CACNG2: variants seen among roughly 807,000 people sequenced by gnomAD.
CACNG2 encodes calcium voltage-gated channel auxiliary subunit gamma 2.
In CACNG2, 3 loss-of-function variants were observed where a neutral mutation model predicts 25.9. The ratio of observed to expected loss-of-function variants is 0.12; its 90% CI spans 0.05 to 0.30. CACNG2 has a LOEUF of 0.30. CACNG2 is among the 10% of genes least tolerant of loss of function. CACNG2 has a pLI of 1.00. For missense variants in CACNG2, 341 were observed against 432.5 expected, an observed-to-expected ratio of 0.79 and a Z score of 1.88; for synonymous variants, 167 against 173.3, an observed-to-expected ratio of 0.96 and a Z score of 0.29.
chr22:36,569,596 G>A (rs1300909751), intron 2 of CACNG2, among the ~76,000 whole-genome samples: 1 of 152,200 alleles, frequency 6.6e-6, no homozygotes, highest in Non-Finnish European at 1.5e-5. Flanking sequence ...CTGGAGTGCA[G>A]TGGCGTGATC....
At chr22:36,618,770 A>T (rs1420368499) in intron 1 of CACNG2, among the ~76,000 whole-genome samples, 1 of 152,138 alleles carries the variant, frequency 6.6e-6, no homozygotes, top group Non-Finnish European at 1.5e-5. Flanking sequence ...AATACAAAAA[A>T]TTAGCTGGGT....
At chr22:36,565,337 GGCCTGCGTTCAAA>G (rs1178491680) in intron 3 of CACNG2, among the ~76,000 whole-genome samples, 1 of 152,244 alleles carries the variant, frequency 6.6e-6, no homozygotes, top group African/African-American at 2.4e-5. Flanking sequence ...GAGCCAGGCT[GGCCTGCGTTCAAA>G]GCCTTCGCAA....
intron 1 of CACNG2, among the ~76,000 whole-genome samples, chr22:36,612,651 G>A (rs946513796): frequency 6.6e-6 from 1 of 152,150 alleles, no homozygotes; most frequent in Non-Finnish European, 1.5e-5. Flanking sequence ...TTATTTGGCT[G>A]GTCATACGCT....
intron 1 of CACNG2, among the ~76,000 whole-genome samples, chr22:36,613,176 G>T (rs1489668640): frequency 6.6e-6 from 1 of 152,044 alleles, no homozygotes; most frequent in Non-Finnish European, 1.5e-5. Context: ...GTGTGTGTGT[G>T]TGTGTGTGTG....
intron 1 of CACNG2, among the ~76,000 whole-genome samples, chr22:36,614,190 C>T (rs551212648): frequency 4.0e-4 from 61 of 152,304 alleles, no homozygotes; most frequent in African/African-American, 1.4e-3. Context: ...TCAGAAACTA[C>T]ATCCTGTTGT....
intron 1 of CACNG2, among the ~76,000 whole-genome samples, chr22:36,627,451 A>G (rs1032115392): frequency 6.6e-5 from 10 of 152,142 alleles, no homozygotes; most frequent in African/African-American, 2.4e-4. Context: ...TAACACATAT[A>G]GTCTGTACAG....
intron 1 of CACNG2, among the ~76,000 whole-genome samples, chr22:36,625,403 C>G (rs1179004819): frequency 6.6e-6 from 1 of 152,124 alleles, no homozygotes; most frequent in Non-Finnish European, 1.5e-5. Context: ...CCTCCCACCC[C>G]CATTCTCTTG....
At chr22:36,679,559 G>C (rs1441405590) in intron 1 of CACNG2, among the ~76,000 whole-genome samples, 1 of 152,230 alleles carries the variant, frequency 6.6e-6, no homozygotes, top group African/African-American at 2.4e-5. Flanking sequence ...TCAGGTGAAA[G>C]GGTATTAAGT....
chr22:36,625,793 A>G (rs939523269), intron 1 of CACNG2, among the ~76,000 whole-genome samples: 16 of 152,152 alleles, frequency 1.1e-4, no homozygotes, highest in African/African-American at 3.6e-4. Flanking sequence ...ATTTTCTTGG[A>G]AAAAAACAAA....
chr22:36,607,591 G>T (rs763759741), intron 1 of CACNG2, among the ~76,000 whole-genome samples: 4 of 152,118 alleles, frequency 2.6e-5, no homozygotes. Flanking sequence ...TTGTGGCATA[G>T]AGTCAAGCCA....
At chr22:36,655,321 T>C (rs911975261) in intron 1 of CACNG2, among the ~76,000 whole-genome samples, 4 of 152,216 alleles carry the variant, frequency 2.6e-5, no homozygotes, top group African/African-American at 7.2e-5. Flanking sequence ...ACCTGAGGTC[T>C]TGGTTAAACA....
chr22:36,587,776 C>A (rs1160616655), intron 1 of CACNG2, among the ~76,000 whole-genome samples: 1 of 152,244 alleles, frequency 6.6e-6, no homozygotes, highest in Non-Finnish European at 1.5e-5. Flanking sequence ...CAAAACGCTG[C>A]CTTCTGTCCC....
intron 1 of CACNG2, among the ~76,000 whole-genome samples, chr22:36,615,322 A>C (rs140891106): frequency 1.3e-5 from 2 of 152,136 alleles, no homozygotes; most frequent in African/African-American, 2.4e-5. Flanking sequence ...CCTGTATCTC[A>C]TGGGTACCAC....
chr22:36,699,305 T>A (rs928743249), intron 1 of CACNG2, among the ~76,000 whole-genome samples: 3 of 145,400 alleles, frequency 2.1e-5, no homozygotes, highest in Non-Finnish European at 3.0e-5. Flanking sequence ...AGGAAGAAAA[T>A]AAGGGTGGTG....
intron 1 of CACNG2, among the ~76,000 whole-genome samples, chr22:36,622,815 T>C (rs7285253): frequency 0.79 from 120,266 of 151,566 alleles, 47,843 homozygotes; most frequent in African/African-American, 0.86. Context: ...AAAAATTAGC[T>C]TGGGGTGGTG....
intron 1 of CACNG2, among the ~76,000 whole-genome samples, chr22:36,600,671 T>C (rs1935742537): frequency 1.3e-5 from 2 of 151,908 alleles, no homozygotes; most frequent in South Asian, 4.2e-4. Flanking sequence ...CTCAGCCTCC[T>C]GAGTAGTTGG....
chr22:36,585,689 G>T (rs576879292), intron 2 of CACNG2, among the ~76,000 whole-genome samples: 30 of 152,174 alleles, frequency 2.0e-4, no homozygotes, highest in African/African-American at 7.2e-4. Context: ...AAAGTTTGCC[G>T]ACCCCTGCTA....
chr22:36,637,265 G>C (rs1013410940), intron 1 of CACNG2, among the ~76,000 whole-genome samples: 13 of 152,072 alleles, frequency 8.5e-5, no homozygotes, highest in African/African-American at 3.1e-4. Context: ...GAAAAACAAT[G>C]GGGACCCATG....
intron 1 of CACNG2, among the ~76,000 whole-genome samples, chr22:36,674,851 A>G (rs1937000926): frequency 6.6e-6 from 1 of 152,172 alleles, no homozygotes; most frequent in African/African-American, 2.4e-5. Flanking sequence ...CGTGTCCTTG[A>G]GTAAGTTACT....
Sources: allele counts gnomAD v4.1 joint callset (sites outside exome capture counted in the v4.1 genomes callset), GRCh38; gene constraint gnomAD v4.1.1; transcripts MANE v1.5; gene names NCBI Gene and HGNC (gene_info 2026-07-23, HGNC 2026-07-21).